Variants in HOXB4 observed in about 807,000 individuals in gnomAD.
The protein encoded by HOXB4 is homeobox B4, also known as homeobox protein Hox-B4.
A neutral mutation model predicts 20.0 loss-of-function variants in HOXB4; 13 were observed. The ratio of observed to expected loss-of-function variants is 0.65; its 90% CI spans 0.42 to 1.03. The LOEUF (loss-of-function observed/expected upper bound fraction) is 1.03, where lower values mean the gene tolerates loss of function less well. Among genes scored for constraint, HOXB4 ranks in the 50% least tolerant of loss-of-function variants. HOXB4 has a pLI of 0.00. For synonymous variants in HOXB4, 173 were observed against 148.9 expected (o/e 1.16, Z -1.18); for missense variants, 343 against 357.1 (o/e 0.96, Z 0.32).
Position 48,576,777 on chromosome 17 carries a change from G to GC in HOXB4, c.700dup (p.Ala234GlyfsTer67), listed in dbSNP as rs1167678709. ...GCCAGGGGGCCCTCCGGCTGAGCCTGCCGCACCACCCGAGCGGATCTTGGT... is the reference window on the plus strand; with the variant it reads ...GCCAGGGGGCCCTCCGGCTGAGCCTGCCCGCACCACCCGAGCGGATCTTGGT... On this transcript the variant is annotated frameshift_variant, in exon 2 of 2. Coordinates refer to ENST00000332503, the MANE Select transcript of HOXB4 (RefSeq NM_024015.5). LOFTEE classifies it high-confidence loss of function. The GC allele has an allele frequency of 4.3e-6, 7 of 1,614,046 alleles. No individual in the cohort carries two copies. Among genetic ancestry groups the GC allele is most frequent in the Non-Finnish European group, 5.9e-6 (7 of 1,179,976 alleles).
At chr17:48,577,565 C>T (rs916074340) in intron 1 of HOXB4, among the ~76,000 whole-genome samples, 1 of 152,240 alleles carries the variant, frequency 6.6e-6, no homozygotes, top group Non-Finnish European at 1.5e-5. Flanking sequence ...TCCTCCACCC[C>T]TCCCCAACTT....
Position 48,578,131 on chromosome 17 carries a change from C to CTGCACGG in HOXB4, c.182_188dup (p.Gln63HisfsTer240). On this transcript the variant is annotated frameshift_variant, in exon 1 of 2. Coordinates refer to ENST00000332503, the MANE Select transcript of HOXB4 (RefSeq NM_024015.5). LOFTEE classifies it high-confidence loss of function. ...CAGGGTCCCGGCAGGCCGCGTAGCG[C>CTGCACGG]TGCACGGTGCACGCCGCGCGCCGCC... is the stretch of plus-strand genomic sequence containing the variant. The CTGCACGG allele has an allele frequency of 6.5e-7, 1 of 1,535,722 alleles. No homozygotes were observed. The highest frequency in any genetic ancestry group is 8.9e-7 in the Non-Finnish European group (1 of 1,128,024).
chr17:48,576,510 G>A lies in HOXB4; in HGVS notation c.*212C>T, dbSNP rs183958025. 8.6e-3 allele frequency: 2,659 copies of A among 307,414 alleles called. 52 individuals are homozygous for A. Among genetic ancestry groups the A allele is most frequent in the African/African-American group, 0.054 (2,121 of 39,524 alleles). The allele number at this position is 307,414 out of a possible 1,614,324, so 19.0% of individuals were successfully genotyped here. A position where few individuals can be genotyped will look rare whatever the true frequency, so the allele number is the denominator to read the frequency against. On this transcript the variant is annotated 3_prime_UTR_variant, in exon 2 of 2. Transcript: ENST00000332503. ...AGCAAGAGATTTGAATCTTGCTTCT[G>A]GGGGGGCCTCCCCGTGGCCCTCTAT...
At position 48,578,224 on chromosome 17, in the gene HOXB4, G is replaced by C. The variant is rs769621021; in HGVS notation, c.96C>G (p.Asp32Glu). 3 of 1,613,926 alleles carry C rather than the reference G, an allele frequency of 1.9e-6. No individual in the cohort carries two copies. In the East Asian group the frequency reaches 6.7e-5, roughly 36 times the overall value. Residue 32 changes from aspartate (D) to glutamate (E), a missense_variant, in exon 1 of 2, where the codon GAC becomes GAG. This residue lies in a region of HOXB4 where 241 missense variants were observed against 222.0 expected (regional missense o/e 1.09). Transcript: ENST00000332503. ...EYSQSDYLPS[D>E]HSPGYYAGGQ... is the part of the protein sequence containing the mutation. The stretch of plus-strand genomic sequence containing the variant: ...CGCCGGCGTAGTACCCGGGCGAGTG[G>C]TCGCTGGGTAGGTAATCGCTCTGTG...
In HOXB4 at chr17:48,578,151, G is replaced by C. The variant is rs897116852; in HGVS notation, c.169C>G (p.Arg57Gly). ...SFQPEAGFGR[R>G]AACTVQRYAA... ...TAGCGCTGCACGGTGCACGCCGCGC[G>C]CCGCCCGAAGCCCGCCTCCGGCTGG... Residue 57 changes from arginine to glycine, a missense_variant, in exon 1 of 2, where the codon CGC (arginine) becomes GGC (glycine). Around this residue, in one of 3 missense-constraint regions of HOXB4, gnomAD observed 241 missense variants for 222.0 expected, o/e 1.09. Coordinates refer to ENST00000332503, the MANE Select transcript of HOXB4 (RefSeq NM_024015.5). 6.3e-7 allele frequency: 1 copy of C among 1,586,768 alleles called. No individual in the cohort carries two copies. Among genetic ancestry groups the C allele is most frequent in the Non-Finnish European group, 8.6e-7 (1 of 1,162,318 alleles).
rs773044201 is a variant in HOXB4, at chr17:48,578,121, C to T, written c.199G>A (p.Ala67Thr). 2.9e-6 allele frequency: 4 copies of T among 1,361,898 alleles called. No individual in the cohort carries two copies. In the East Asian group the frequency reaches 1.2e-4, roughly 41 times the overall value. 84.4% of individuals were successfully genotyped at this position (1,361,898 alleles called of 1,614,324 possible). Residue 67 changes from alanine (A) to threonine (T), a missense_variant, in exon 1 of 2, where the codon GCC becomes ACC. Physicochemically the swap from Ala to Thr is moderately conservative, Grantham distance 58. Around this residue, in one of 3 missense-constraint regions of HOXB4, gnomAD observed 241 missense variants for 222.0 expected, o/e 1.09. Transcript: ENST00000332503. ...GGCGGGGGCCCAGGGTCCCGGCAGG[C>T]CGCGTAGCGCTGCACGGTGCACGCC... ...RAACTVQRYAACRDPGPPPPP... is the reference protein window; with the variant it reads ...RAACTVQRYATCRDPGPPPPP...
intron 1 of HOXB4, among the ~76,000 whole-genome samples, chr17:48,577,532 C>G (rs919486929): frequency 6.6e-6 from 1 of 152,176 alleles, no homozygotes; most frequent in Non-Finnish European, 1.5e-5. Flanking sequence ...CGGATTACCT[C>G]CTCCTCCTTC....
In HOXB4 at chr17:48,577,615, G is replaced by A. The variant is rs547088949; in HGVS notation, c.457+248C>T. Among the ~76,000 whole-genome samples, 90 of 152,308 alleles carry A rather than the reference G, an allele frequency of 5.9e-4. No individual in the cohort carries two copies. The South Asian group carries it at 0.018, about 31-fold the overall frequency. ...ACTGTATCTCCCTGGCGAAAAAGTCGCTGGTGAGAATGGTGAAGAGGATGG... is the reference window on the plus strand; with the variant it reads ...ACTGTATCTCCCTGGCGAAAAAGTCACTGGTGAGAATGGTGAAGAGGATGG... On this transcript the variant is annotated intron_variant, in intron 1 of 1. Transcript: ENST00000332503.
In HOXB4 at chr17:48,575,544, C is replaced by T. The variant is rs2069730521; in HGVS notation, c.*1178G>A. On this transcript the variant is annotated 3_prime_UTR_variant, in exon 2 of 2. Transcript: ENST00000332503. Reference sequence around the variant, plus strand: ...GAAACCAAACATTTATTTCTATTGTCACTCTGTACAGCACACAGATATTCA... The same window carrying T: ...GAAACCAAACATTTATTTCTATTGTTACTCTGTACAGCACACAGATATTCA... 6.6e-6 allele frequency: 1 copy of T among 152,494 alleles called. No homozygotes were observed. Among genetic ancestry groups the T allele is most frequent in the African/African-American group, 2.4e-5 (1 of 41,432 alleles). 9.4% of individuals were successfully genotyped at this position (152,494 alleles called of 1,614,324 possible).
chr17:48,575,807 G>A lies in HOXB4; in HGVS notation c.*915C>T, dbSNP rs1461860183. On this transcript the variant is annotated 3_prime_UTR_variant, in exon 2 of 2. Coordinates refer to ENST00000332503, the MANE Select transcript of HOXB4 (RefSeq NM_024015.5). ...TTTCCTAGTTTCACATTCATTTTCA[G>A]TCTAGGAGAGAGGCTTCTGCTGTAC... 1.3e-5 allele frequency: 2 copies of A among 152,580 alleles called. No individual in the cohort carries two copies. Among genetic ancestry groups the A allele is most frequent in the African/African-American group, 2.4e-5 (1 of 41,428 alleles). The allele number at this position is 152,580 out of a possible 1,614,324, so 9.5% of individuals were successfully genotyped here. A position where few individuals can be genotyped will look rare whatever the true frequency, so the allele number is the denominator to read the frequency against.
rs1485346244 is a variant in HOXB4 at position 48,576,769 on chromosome 17, C to T, written c.709G>A (p.Ala237Thr). Residue 237 changes from alanine to threonine, a missense_variant, in exon 2 of 2, where the codon GCC becomes ACC. Ala to Thr is a moderately conservative substitution (Grantham distance 58). Around this residue, in one of 3 missense-constraint regions of HOXB4, gnomAD observed 48 missense variants for 44.8 expected, o/e 1.07. Transcript: ENST00000332503. The stretch of plus-strand genomic sequence containing the variant: ...TTGGGCCGGCCAGGGGGCCCTCCGG[C>T]TGAGCCTGCCGCACCACCCGAGCGG... The part of the protein sequence containing the change: ...KIRSGGAAGS[A>T]GGPPGRPNGG... 1.9e-6 allele frequency: 3 copies of T among 1,613,750 alleles called. No individual in the cohort carries two copies. In the African/African-American group the frequency reaches 4.0e-5, roughly 22 times the overall value.
At position 48,576,855 on chromosome 17, in the gene HOXB4, A is replaced by T; in HGVS notation, c.623T>A (p.Ile208Asn). ...ALCLSERQIK[I>N]WFQNRRMKWK... ...CTTCATGCGCCGGTTCTGGAACCAGATCTTGATCTGGCGCTCGGAGAGGCA... is the reference window on the plus strand; with the variant it reads ...CTTCATGCGCCGGTTCTGGAACCAGTTCTTGATCTGGCGCTCGGAGAGGCA... The change falls in exon 2 of 2, where the codon ATC becomes AAC. Residue 208 changes from isoleucine (I) to asparagine (N), a missense_variant. Physicochemically the swap from Ile to Asn is moderately radical, Grantham distance 149. Around this residue, in one of 3 missense-constraint regions of HOXB4, gnomAD observed 54 missense variants for 90.3 expected, o/e 0.60. Coordinates refer to ENST00000332503, the MANE Select transcript of HOXB4 (RefSeq NM_024015.5). The T allele has an allele frequency of 6.2e-7, 1 of 1,614,210 alleles. No homozygotes were observed. The highest frequency in any genetic ancestry group is 8.5e-7 in the Non-Finnish European group (1 of 1,180,024).
Position 48,578,162 on chromosome 17 carries a change from C to T in HOXB4, c.158G>A (p.Gly53Asp). 1.2e-6 allele frequency: 2 copies of T among 1,604,678 alleles called. No homozygotes were observed. Among genetic ancestry groups the T allele is most frequent in the Non-Finnish European group, 1.7e-6 (2 of 1,174,764 alleles). ...GGTGCACGCCGCGCGCCGCCCGAAG[C>T]CCGCCTCCGGCTGGAAGCTGCTCTC... ...RRESSFQPEA[G>D]FGRRAACTVQ... is the part of the protein sequence containing the mutation. Residue 53 changes from glycine to aspartate, a missense_variant, in exon 1 of 2, where the codon GGC (glycine) becomes GAC (aspartate). Around this residue, in one of 3 missense-constraint regions of HOXB4, gnomAD observed 241 missense variants for 222.0 expected, o/e 1.09. Transcript: ENST00000332503.
Position 48,576,394 on chromosome 17 carries a change from A to T in HOXB4, c.*328T>A. On this transcript the variant is annotated 3_prime_UTR_variant, in exon 2 of 2. Coordinates refer to ENST00000332503, the MANE Select transcript of HOXB4 (RefSeq NM_024015.5). The stretch of plus-strand genomic sequence containing the variant: ...GGATCCATCTTCGCCAAAGCTGAAA[A>T]CGAGGAGCTGCAGCCTCCTCCTATT... 1 of 224,942 alleles carries T rather than the reference A, an allele frequency of 4.4e-6. No homozygotes were observed. The highest frequency in any genetic ancestry group is 8.6e-6 in the Non-Finnish European group (1 of 116,144). 13.9% of individuals were successfully genotyped at this position (224,942 alleles called of 1,614,324 possible). A position where few individuals can be genotyped will look rare whatever the true frequency, so the allele number is the denominator to read the frequency against.
chr17:48,577,754 C>T, intron 1 of HOXB4, 109 bp downstream of exon 1: 3 of 981,936 alleles, frequency 3.1e-6, no homozygotes, highest in Non-Finnish European at 4.0e-6. Flanking sequence ...GAGTTTATAG[C>T]GGGGACAATT....
intron 1 of HOXB4, 54 bp from the exon 2 acceptor site, chr17:48,577,074 G>C: frequency 5.4e-6 from 8 of 1,478,408 alleles, no homozygotes; most frequent in Non-Finnish European, 7.2e-6. Flanking sequence ...CCCCGAAAGA[G>C]AGAGTCCTTT....
intron 1 of HOXB4, 77 bp downstream of exon 1, chr17:48,577,786 C>CG (rs1311495221): frequency 2.4e-6 from 3 of 1,262,452 alleles, no homozygotes; most frequent in East Asian, 5.8e-5. Context: ...CTCAACCCCC[C>CG]CCCAACCCAT....
Position 48,576,645 on chromosome 17 carries a change from T to TCCCCCCCCCC in HOXB4, c.*76_*77insGGGGGGGGGG. 1 of 559,070 alleles carries TCCCCCCCCCC rather than the reference T, an allele frequency of 1.8e-6. No individual in the cohort carries two copies. The highest frequency in any genetic ancestry group is 2.5e-6 in the Non-Finnish European group (1 of 405,310). 34.6% of individuals were successfully genotyped at this position (559,070 alleles called of 1,614,324 possible). A position where few individuals can be genotyped will look rare whatever the true frequency, so the allele number is the denominator to read the frequency against. ...CCGGGGCCCAGGCCCCAGGGCCCCC[T>TCCCCCCCCCC]CCTGTCCCCCCACCCCATCCCCTGC... On this transcript the variant is annotated 3_prime_UTR_variant, in exon 2 of 2. Transcript: ENST00000332503.
intron 1 of HOXB4, among the ~76,000 whole-genome samples, chr17:48,577,597 C>T (rs1567963691): frequency 6.6e-6 from 1 of 152,246 alleles, no homozygotes; most frequent in Non-Finnish European, 1.5e-5. Context: ...AAGACTGTAT[C>T]TCCCTGGCGA....
Sources: allele counts gnomAD v4.1 joint callset (sites outside exome capture counted in the v4.1 genomes callset), GRCh38; gene constraint gnomAD v4.1.1; regional missense constraint gnomAD v4.1.1; transcripts MANE v1.5; gene names NCBI Gene and HGNC (gene_info 2026-07-23, HGNC 2026-07-21).